The following SBNO2 variants were observed in gnomAD, a reference collection of about 807,000 sequenced individuals.
SBNO2 encodes strawberry notch homolog 2.
Under a neutral mutation model 146.3 loss-of-function variants are expected in SBNO2, and 89 were observed. The observed-to-expected ratio is 0.61, with a 90% CI of 0.51 to 0.73. The LOEUF is 0.73. Among genes scored for constraint, SBNO2 ranks in the 30% least tolerant of loss-of-function variants. SBNO2 has a pLI of 0.00. For missense variants in SBNO2, 2,092 were observed against 2,003.7 expected (o/e 1.04, Z -0.84); for synonymous variants, 1,147 against 892.6 (o/e 1.29, Z -5.08).
Position 1,112,222 on chromosome 19 carries a change from G to T in SBNO2, c.2595C>A (p.Phe865Leu). 6.3e-7 allele frequency: 1 copy of T among 1,590,568 alleles called. No homozygotes were observed. Among genetic ancestry groups the T allele is most frequent in the Non-Finnish European group, 8.6e-7 (1 of 1,168,868 alleles). ...CCAGGCGCTTGGCCACGATGGAGGC[G>T]AACCGGCGCTCCCCGGCCAGCTCCG... ...LISELAGERR[F>L]ASIVAKRLES... is the part of the protein sequence containing the mutation. The change falls in exon 22 of 32, where the codon TTC becomes TTA. Residue 865 changes from phenylalanine to leucine, a missense_variant. Phe to Leu is a conservative substitution (Grantham distance 22). Coordinates refer to ENST00000361757, the MANE Select transcript of SBNO2 (RefSeq NM_014963.3). The surrounding 1 kb of genome is among the most constrained non-coding windows in gnomAD (Gnocchi z 5.9).
chr19:1,118,787 G>A (rs754457177), intron 14 of SBNO2, among the ~76,000 whole-genome samples: 1 of 152,058 alleles, frequency 6.6e-6, no homozygotes, highest in African/African-American at 2.4e-5. Context: ...GGGGAGAATC[G>A]CTTAAACCCA....
intron 4 of SBNO2, among the ~76,000 whole-genome samples, chr19:1,131,262 G>A (rs2080024979): frequency 6.6e-6 from 1 of 152,164 alleles, no homozygotes; most frequent in African/African-American, 2.4e-5. Flanking sequence ...GGGCCCCTCT[G>A]CAGTCTGTAG....
rs903098475 is a variant in SBNO2, at chr19:1,144,639, G to A, written c.279+2670C>T. On this transcript the variant is annotated intron_variant, in intron 4 of 31. Transcript: ENST00000361757. The surrounding 1 kb of genome is among the most constrained non-coding windows in gnomAD (Gnocchi z 4.1). ...AGAGGGAAACAGACGAAGACAGAGAGGGCGACAGAGACAGAGGCAGAGAGG... is the reference window on the plus strand; with the variant it reads ...AGAGGGAAACAGACGAAGACAGAGAAGGCGACAGAGACAGAGGCAGAGAGG... Among the ~76,000 whole-genome samples, 1 of 151,856 alleles carries A rather than the reference G, an allele frequency of 6.6e-6. No individual in the cohort carries two copies. The highest frequency in any genetic ancestry group is 2.4e-5 in the African/African-American group (1 of 41,322).
chr19:1,111,510 G>C lies in SBNO2; in HGVS notation c.2805C>G (p.Phe935Leu). 3 of 1,572,996 alleles carry C rather than the reference G, an allele frequency of 1.9e-6. No individual in the cohort carries two copies. The highest frequency in any genetic ancestry group is 2.6e-6 in the Non-Finnish European group (3 of 1,159,004). ...ACCCCCACCAGCCCAGCTTACCCCG[G>C]AAGAAGGTGGGGACCCCTCCAGGGT... ...QGYPGGVPTF[F>L]RDMKQGLLSV... Residue 935 changes from phenylalanine to leucine, a missense_variant, in exon 24 of 32, where the codon TTC becomes TTG. Coordinates refer to ENST00000361757, the MANE Select transcript of SBNO2 (RefSeq NM_014963.3).
intron 14 of SBNO2, among the ~76,000 whole-genome samples, chr19:1,117,853 A>G (rs1032388959): frequency 6.6e-6 from 1 of 152,170 alleles, no homozygotes; most frequent in African/African-American, 2.4e-5. Context: ...GACACTGGGC[A>G]TGTCTGGGGC....
At position 1,136,661 on chromosome 19, in the gene SBNO2, C is replaced by T. The variant is rs1371417556; in HGVS notation, c.280-8896G>A. Among the ~76,000 whole-genome samples the T allele has an allele frequency of 1.3e-5, 2 of 152,212 alleles. No homozygotes were observed. Among genetic ancestry groups the T allele is most frequent in the Non-Finnish European group, 1.5e-5 (1 of 68,030 alleles). On this transcript the variant is annotated intron_variant, in intron 4 of 31. Coordinates refer to ENST00000361757, the MANE Select transcript of SBNO2 (RefSeq NM_014963.3). The surrounding 1 kb of genome is among the most constrained non-coding windows in gnomAD (Gnocchi z 4.2). ...CCTCCTTCGCTCCCTCATCTCTCTCCCTCTTTTTTGCCCAATGCCAGTAAC... is the reference window on the plus strand; with the variant it reads ...CCTCCTTCGCTCCCTCATCTCTCTCTCTCTTTTTTGCCCAATGCCAGTAAC...
Position 1,126,152 on chromosome 19 carries a change from A to C in SBNO2, c.441+1452T>G, listed in dbSNP as rs931906632. 1.4e-4 allele frequency among the ~76,000 whole-genome samples: 22 copies of C among 152,296 alleles called. No individual in the cohort carries two copies. Among genetic ancestry groups the C allele is most frequent in the Middle Eastern group, 3.4e-3 (1 of 294 alleles). ...TGGGAGCCACCAGGCTAGTGATGCT[A>C]ATGAACTGAGTCCACAGCTTCTGCA... On this transcript the variant is annotated intron_variant, in intron 5 of 31. Coordinates refer to ENST00000361757, the MANE Select transcript of SBNO2 (RefSeq NM_014963.3). This position sits in a 1 kb window ranked among gnomAD's most constrained non-coding sequence, Gnocchi z 4.4.
Position 1,124,035 on chromosome 19 carries a change from C to T in SBNO2, c.442-13G>A. ...TGAGCTGGAACAGCTGGAAGGGGAG[C>T]AGGATGTCAGCCCGGGCCAGACGGG... is the stretch of plus-strand genomic sequence containing the variant. On this transcript the variant is annotated splice_polypyrimidine_tract_variant and intron_variant, in intron 5 of 31. Coordinates refer to ENST00000361757, the MANE Select transcript of SBNO2 (RefSeq NM_014963.3). 1 of 1,608,172 alleles carries T rather than the reference C, an allele frequency of 6.2e-7. No individual in the cohort carries two copies. The highest frequency in any genetic ancestry group is 8.5e-7 in the Non-Finnish European group (1 of 1,177,878).
At chr19:1,120,460 A>T (rs1037953624) in intron 11 of SBNO2, among the ~76,000 whole-genome samples, 1 of 151,916 alleles carries the variant, frequency 6.6e-6, no homozygotes, top group African/African-American at 2.4e-5. Context: ...TCTGCCTCTC[A>T]GATTCAAGTG....
intron 14 of SBNO2, among the ~76,000 whole-genome samples, chr19:1,117,942 C>T (rs549163599): frequency 5.4e-4 from 83 of 152,318 alleles, no homozygotes; most frequent in Non-Finnish European, 9.1e-4. Context: ...ACTCTGGCCA[C>T]GGATGCTGCT....
chr19:1,172,614 C>G (rs2080488824), intron 1 of SBNO2, among the ~76,000 whole-genome samples: 2 of 152,162 alleles, frequency 1.3e-5, no homozygotes, highest in Admixed American at 1.3e-4. Context: ...TGCCGGCTGC[C>G]CTGGCCCGGA....
At chr19:1,151,331 G>C (rs558913967) in intron 2 of SBNO2, among the ~76,000 whole-genome samples, 12 of 152,306 alleles carry the variant, frequency 7.9e-5, no homozygotes, top group African/African-American at 2.6e-4. Context: ...AGGGCGGGAG[G>C]ATCCAGGGGT....
chr19:1,166,704 G>T (rs1306080662), intron 1 of SBNO2, among the ~76,000 whole-genome samples: 1 of 152,014 alleles, frequency 6.6e-6, no homozygotes, highest in African/African-American at 2.4e-5. Context: ...TGAGCCTGTG[G>T]TCCCCTCTAA....
At position 1,147,375 on chromosome 19, in the gene SBNO2, T is replaced by G; in HGVS notation, c.213A>C (p.Pro71=). Residue 71 remains proline, a synonymous_variant, in exon 4 of 32, where the codon CCA becomes CCC. Transcript: ENST00000361757. ...SASFLGSQPC[P]DTSYAPVATA... ...TGGCCACGGGGGCATAGCTGGTGTC[T>G]GGGCAGGGCTGGCTGCCGAGGAAGG... 1 of 1,392,074 alleles carries G rather than the reference T, an allele frequency of 7.2e-7. No homozygotes were observed. Among genetic ancestry groups the G allele is most frequent in the Non-Finnish European group, 9.4e-7 (1 of 1,069,068 alleles). The allele number at this position is 1,392,074 out of a possible 1,614,324, so 86.2% of individuals were successfully genotyped here.
At chr19:1,115,970 G>T (rs780692997) in intron 17 of SBNO2, 51 bp downstream of exon 17, 42 of 1,366,372 alleles carry the variant, frequency 3.1e-5, no homozygotes, top group Non-Finnish European at 7.9e-6. Flanking sequence ...GCCCCCGGGG[G>T]GAGAAAGCAG....
intron 1 of SBNO2, among the ~76,000 whole-genome samples, chr19:1,167,435 G>A (rs749099051): frequency 1.3e-5 from 2 of 152,206 alleles, no homozygotes; most frequent in Non-Finnish European, 2.9e-5. Context: ...GGGAGAGTCC[G>A]CGCCTGAGCT....
In SBNO2 at chr19:1,108,973, C is replaced by A. The variant is rs2079714735; in HGVS notation, c.3426-4G>T. The stretch of plus-strand genomic sequence containing the variant: ...CGCCAGCCGGCAGTGCCGGTTCCTG[C>A]GGACGAGACGGGTCGTCTCGGCTCA... On this transcript the variant is annotated splice_region_variant and splice_polypyrimidine_tract_variant and intron_variant, in intron 30 of 31. Coordinates refer to ENST00000361757, the MANE Select transcript of SBNO2 (RefSeq NM_014963.3). The A allele has an allele frequency of 6.6e-7, 1 of 1,518,008 alleles. No individual in the cohort carries two copies. The highest frequency in any genetic ancestry group is 8.8e-7 in the Non-Finnish European group (1 of 1,137,680). 94.0% of individuals were successfully genotyped at this position (1,518,008 alleles called of 1,614,324 possible).
chr19:1,157,080 A>G lies in SBNO2; in HGVS notation c.-126-2678T>C, dbSNP rs2080297388. On this transcript the variant is annotated intron_variant, in intron 1 of 31. Coordinates refer to ENST00000361757, the MANE Select transcript of SBNO2 (RefSeq NM_014963.3). The surrounding 1 kb of genome is among the most constrained non-coding windows in gnomAD (Gnocchi z 6.8). ...TGCCCCGATCCCCAGGCCCTCCCGC[A>G]GCCCCCAGCCCCTAGCCCTGCCTGC... 6.7e-6 allele frequency among the ~76,000 whole-genome samples: 1 copy of G among 149,566 alleles called. No individual in the cohort carries two copies. The highest frequency in any genetic ancestry group is 2.5e-5 in the African/African-American group (1 of 40,408).
intron 4 of SBNO2, among the ~76,000 whole-genome samples, chr19:1,145,304 CAAA>C (rs34903065): frequency 4.9e-5 from 5 of 102,798 alleles, no homozygotes; most frequent in Non-Finnish European, 2.1e-5. Flanking sequence ...CTGTCTCTAC[CAAA>C]AAAAAAAAAA....
Sources: gnomAD v4.1 joint callset for allele counts (sites outside exome capture counted in the v4.1 genomes callset) on GRCh38, gnomAD v4.1.1 for gene constraint, Gnocchi (gnomAD v3.1) non-coding constraint, MANE v1.5 for transcripts, NCBI Gene and HGNC (gene_info 2026-07-23, HGNC 2026-07-21) for gene names.